The following NAALADL2 variants were observed in gnomAD, a reference collection of about 807,000 sequenced individuals.
NAALADL2 encodes the protein inactive N-acetylated-alpha-linked acidic dipeptidase-like protein 2.
A neutral mutation model predicts 87.2 loss-of-function variants in NAALADL2; 76 were observed. The ratio of observed to expected loss-of-function variants is 0.87; its 90% CI spans 0.72 to 1.05. NAALADL2 has a LOEUF of 1.05. NAALADL2 is among the 50% of genes least tolerant of loss of function. NAALADL2 has a pLI of 0.00. For missense variants in NAALADL2, 1,089 were observed against 945.8 expected (o/e 1.15, Z -1.99); for synonymous variants, 354 against 331.0 (o/e 1.07, Z -0.75).
intron 1 of NAALADL2, among the ~76,000 whole-genome samples, chr3:174,508,130 T>G (rs1162922080): frequency 6.7e-6 from 1 of 148,916 alleles, no homozygotes; most frequent in East Asian, 2.0e-4. Flanking sequence ...TTTTTTTTTT[T>G]TGAGACGAAG....
chr3:175,239,090 T>C (rs913944503), intron 3 of NAALADL2, among the ~76,000 whole-genome samples: 1 of 152,150 alleles, frequency 6.6e-6, no homozygotes, highest in Admixed American at 6.6e-5. Context: ...AAAACCTACT[T>C]AGTGCCAGCA....
chr3:175,160,523 T>C (rs2108838508), intron 2 of NAALADL2, among the ~76,000 whole-genome samples: 1 of 151,978 alleles, frequency 6.6e-6, no homozygotes, highest in African/African-American at 2.4e-5. Context: ...CAGCTAATTT[T>C]GTATTTTTAA....
intron 13 of NAALADL2, among the ~76,000 whole-genome samples, chr3:175,781,757 T>A (rs1337506425): frequency 6.6e-6 from 1 of 151,906 alleles, no homozygotes; most frequent in Non-Finnish European, 1.5e-5. Context: ...CATGTGCACA[T>A]TGTGCAGGTT....
intron 2 of NAALADL2, among the ~76,000 whole-genome samples, chr3:174,696,592 C>CAAA (rs1729033333): frequency 1.8e-5 from 1 of 54,992 alleles, no homozygotes; most frequent in African/African-American, 8.9e-5. Context: ...GTGTAGTTAT[C>CAAA]TAAAAAAAAA....
chr3:175,685,737 C>T (rs1257238778), intron 11 of NAALADL2, among the ~76,000 whole-genome samples: 5 of 152,038 alleles, frequency 3.3e-5, no homozygotes, highest in Admixed American at 2.6e-4. Context: ...TGTTTCTGTT[C>T]AAGTCCAAAG....
chr3:175,673,941 A>G (rs1290078380), intron 11 of NAALADL2, among the ~76,000 whole-genome samples: 1 of 152,078 alleles, frequency 6.6e-6, no homozygotes, highest in Non-Finnish European at 1.5e-5. Context: ...TATTATATTA[A>G]GAAGAGTTAT....
At chr3:175,376,535 C>A (rs546404237) in intron 5 of NAALADL2, among the ~76,000 whole-genome samples, 3 of 152,026 alleles carry the variant, frequency 2.0e-5, no homozygotes, top group Non-Finnish European at 4.4e-5. Context: ...ATTCAGGGAG[C>A]TTTTAAGAGT....
At chr3:175,762,192 A>ATTTTGTTTTTTTTTTT (rs371604147) in intron 13 of NAALADL2, among the ~76,000 whole-genome samples, 1 of 114,168 alleles carries the variant, frequency 8.8e-6, no homozygotes, top group Non-Finnish European at 1.7e-5. Flanking sequence ...CTGTGTTTCG[A>ATTTTGTTTTTTTTTTT]TTTTTTTTTT....
intron 10 of NAALADL2, among the ~76,000 whole-genome samples, chr3:175,621,980 G>C (rs1582661491): frequency 6.6e-6 from 1 of 152,158 alleles, no homozygotes; most frequent in South Asian, 2.1e-4. Flanking sequence ...ACAGCTTCTT[G>C]ACTTTGTTTC....
At chr3:175,533,754 T>C (rs1261261545) in intron 9 of NAALADL2, among the ~76,000 whole-genome samples, 1 of 152,146 alleles carries the variant, frequency 6.6e-6, no homozygotes, top group East Asian at 1.9e-4. Flanking sequence ...CTTGTGTCTG[T>C]TTTCCACAAT....
At chr3:174,775,291 C>T (rs1294903219) in intron 3 of NAALADL2, among the ~76,000 whole-genome samples, 1 of 151,844 alleles carries the variant, frequency 6.6e-6, no homozygotes, top group Non-Finnish European at 1.5e-5. Context: ...TTAGCAGTCA[C>T]TCCCCATCTC....
intron 5 of NAALADL2, among the ~76,000 whole-genome samples, chr3:175,438,624 T>A (rs1034685158): frequency 4.6e-5 from 7 of 152,102 alleles, no homozygotes; most frequent in Non-Finnish European, 8.8e-5. Flanking sequence ...GTATTAATAC[T>A]TTTAGTTTGT....
intron 1 of NAALADL2, among the ~76,000 whole-genome samples, chr3:174,985,409 T>C (rs997493422): frequency 7.2e-5 from 11 of 152,180 alleles, no homozygotes. Context: ...CTTTTCTCTA[T>C]CAATGTATCT....
At chr3:175,632,383 C>T (rs62284521) in intron 11 of NAALADL2, among the ~76,000 whole-genome samples, 38,791 of 151,210 alleles carry the variant, frequency 0.26, 5,565 homozygotes, top group African/African-American at 0.4. Flanking sequence ...CTGAGGTCTT[C>T]TAGCCATGCT....
chr3:175,060,437 C>T (rs555141508), intron 1 of NAALADL2, among the ~76,000 whole-genome samples: 1 of 152,302 alleles, frequency 6.6e-6, no homozygotes, highest in Admixed American at 6.5e-5. Flanking sequence ...TGTCAAATAT[C>T]CCACAAATGG....
chr3:175,293,906 A>C (rs1456159969), intron 4 of NAALADL2, among the ~76,000 whole-genome samples: 3 of 152,228 alleles, frequency 2.0e-5, no homozygotes, highest in African/African-American at 7.2e-5. Flanking sequence ...GATCAAAGTG[A>C]ATACAGAGTT....
chr3:175,749,624 C>T (rs1746379407), intron 12 of NAALADL2, among the ~76,000 whole-genome samples: 1 of 152,196 alleles, frequency 6.6e-6, no homozygotes, highest in Non-Finnish European at 1.5e-5. Context: ...GCAGAGCCCC[C>T]AAGGCCTAAT....
Position 175,175,046 on chromosome 3 carries a change from ATCAT to A in NAALADL2, c.546-58883_546-58880del, listed in dbSNP as rs776535007. Among the ~76,000 whole-genome samples the A allele has an allele frequency of 2.8e-3, 420 of 152,170 alleles. 4 individuals carry two copies. Among genetic ancestry groups the A allele is most frequent in the Non-Finnish European group, 4.6e-3 (311 of 67,912 alleles). On this transcript the variant is annotated intron_variant, in intron 2 of 13. Coordinates refer to ENST00000454872, the MANE Select transcript of NAALADL2 (RefSeq NM_207015.3). ...TTTTTTCTCTTCTGTTTTTCGTTGT[ATCAT>A]TAAAAATTTCATAAGTAGAGATTAT...
intron 5 of NAALADL2, among the ~76,000 whole-genome samples, chr3:175,436,566 T>C (rs199537432): frequency 4.6e-4 from 66 of 143,596 alleles, no homozygotes; most frequent in East Asian, 1.4e-3. Flanking sequence ...GATGGTATCT[T>C]ATAGTGGTTT....
Sources: gnomAD v4.1 joint callset for allele counts (sites outside exome capture counted in the v4.1 genomes callset) on GRCh38, gnomAD v4.1.1 for gene constraint, MANE v1.5 for transcripts, NCBI Gene and HGNC (gene_info 2026-07-23, HGNC 2026-07-21) for gene names.